The following YAF2 variants were observed in gnomAD, a reference collection of about 807,000 sequenced individuals.
The protein encoded by YAF2 is YY1 associated factor 2, also known as YY1-associated factor 2.
Under a neutral mutation model 20.1 loss-of-function variants are expected in YAF2, and 7 were observed. The ratio of observed to expected loss-of-function variants is 0.35; its 90% CI spans 0.20 to 0.65. The LOEUF (loss-of-function observed/expected upper bound fraction) is 0.65. Among genes scored for constraint, YAF2 ranks in the 30% least tolerant of loss-of-function variants. The probability of loss-of-function intolerance (pLI) is 0.69; values close to 1 mark genes in which losing one functional copy is unlikely to be tolerated. For synonymous variants in YAF2, 74 were observed against 76.0 expected, an observed-to-expected ratio of 0.97 and a Z score of 0.14; for missense variants, 151 against 219.2, an observed-to-expected ratio of 0.69 and a Z score of 1.96.
intron 2 of YAF2, among the ~76,000 whole-genome samples, chr12:42,201,877 G>A (rs1198132502): frequency 2.6e-5 from 4 of 152,088 alleles, no homozygotes; most frequent in African/African-American, 4.8e-5. Context: ...CCAGCCTGAT[G>A]TCTTTTATTA....
At position 42,158,364 on chromosome 12, in the gene YAF2, G is replaced by C. The variant is rs553125723; in HGVS notation, c.*2225C>G. On this transcript the variant is annotated 3_prime_UTR_variant, in exon 4 of 4. Coordinates refer to ENST00000534854, the MANE Select transcript of YAF2 (RefSeq NM_005748.6). ...CACTATTACTTTAGGTCATCCAAGA[G>C]GGCAGGAAAATAACTGTTACAAAAA... 6.6e-6 allele frequency: 1 copy of C among 152,110 alleles called. No individual in the cohort carries two copies. The highest frequency in any genetic ancestry group is 2.4e-5 in the African/African-American group (1 of 41,424). The allele number at this position is 152,110 out of a possible 1,614,324, so 9.4% of individuals were successfully genotyped here.
intron 2 of YAF2, chr12:42,234,906 T>A (rs2068097543): frequency 3.6e-6 from 3 of 827,546 alleles, no homozygotes; most frequent in South Asian, 1.1e-4. Context: ...GAGGATTCCT[T>A]GAACCTGGGA....
chr12:42,201,342 G>A (rs377271260), intron 2 of YAF2, among the ~76,000 whole-genome samples: 4 of 152,106 alleles, frequency 2.6e-5, no homozygotes, highest in East Asian at 1.9e-4. Context: ...TTGATAGCTC[G>A]TACGTTTTCA....
intron 2 of YAF2, among the ~76,000 whole-genome samples, chr12:42,227,153 G>A (rs1221687934): frequency 6.8e-6 from 1 of 146,008 alleles, no homozygotes; most frequent in Non-Finnish European, 1.5e-5. Flanking sequence ...CCGCCCGGGA[G>A]GCAGCGGCTG....
rs71883885 is a variant in YAF2 at position 42,218,185 on chromosome 12, AACACACACACACACAC to A, written c.152+19398_152+19413del. ...GACAGTCTACATCAGGCTACTAGGA[AACACACACACACACAC>A]ACACACACACACACACACACACACA... On this transcript the variant is annotated intron_variant, in intron 2 of 3. Coordinates refer to ENST00000534854, the MANE Select transcript of YAF2 (RefSeq NM_005748.6). Among the ~76,000 whole-genome samples, 598 of 140,696 alleles carry A rather than the reference AACACACACACACACAC, an allele frequency of 4.3e-3. 9 individuals are homozygous for A. The highest frequency in any genetic ancestry group is 0.014 in the African/African-American group (560 of 38,674). 92.3% of individuals were successfully genotyped at this position (140,696 alleles called of 152,430 possible).
intron 2 of YAF2, chr12:42,210,317 A>G (rs1350261069): frequency 1.1e-5 from 15 of 1,387,806 alleles, no homozygotes; most frequent in East Asian, 2.7e-5. Context: ...ATTTGGGGGG[A>G]AAAAAAATCT....
chr12:42,225,629 T>C lies in YAF2; in HGVS notation c.152+11970A>G, dbSNP rs144777834. On this transcript the variant is annotated intron_variant, in intron 2 of 3. Coordinates refer to ENST00000534854, the MANE Select transcript of YAF2 (RefSeq NM_005748.6). ...AGTTTTCCCAACACCATTTATTAAA[T>C]AGGGAATCCTTTCCCCAGTGTTTGT... Among the ~76,000 whole-genome samples the C allele has an allele frequency of 5.2e-3, 799 of 152,340 alleles. 5 individuals carry two copies. Among genetic ancestry groups the C allele is most frequent in the African/African-American group, 0.018 (768 of 41,578 alleles).
chr12:42,193,129 A>G (rs2066658132), intron 2 of YAF2, among the ~76,000 whole-genome samples: 1 of 152,130 alleles, frequency 6.6e-6, no homozygotes. Flanking sequence ...AGCCTGGCCA[A>G]CATGGTGAAA....
At chr12:42,218,563 G>T (rs2067428136) in intron 2 of YAF2, among the ~76,000 whole-genome samples, 1 of 151,944 alleles carries the variant, frequency 6.6e-6, no homozygotes, top group Admixed American at 6.6e-5. Context: ...ATACATTTTT[G>T]GGATTTTGAC....
At chr12:42,167,641 A>G (rs2065946729) in intron 2 of YAF2, among the ~76,000 whole-genome samples, 1 of 152,220 alleles carries the variant, frequency 6.6e-6, no homozygotes, top group Admixed American at 6.5e-5. Context: ...TAGAATTACC[A>G]TTTTTGGTTC....
At chr12:42,201,728 C>T (rs1378367697) in intron 2 of YAF2, among the ~76,000 whole-genome samples, 2 of 152,028 alleles carry the variant, frequency 1.3e-5, no homozygotes, top group African/African-American at 2.4e-5. Context: ...TGTGCCACCA[C>T]GCCTGGCTAA....
chr12:42,238,002 GC>G (rs2068237487), intron 1 of YAF2, among the ~76,000 whole-genome samples, 152 bp downstream of exon 1: 1 of 148,640 alleles, frequency 6.7e-6, no homozygotes, highest in African/African-American at 2.5e-5. Flanking sequence ...GGCGGCCGGC[GC>G]CGGCCCCCTC....
chr12:42,229,573 T>C (rs898844302), intron 2 of YAF2, among the ~76,000 whole-genome samples: 1 of 152,210 alleles, frequency 6.6e-6, no homozygotes, highest in Non-Finnish European at 1.5e-5. Flanking sequence ...CAGGAATAAT[T>C]ACATATACAT....
chr12:42,206,761 C>A (rs1458921117), intron 2 of YAF2, among the ~76,000 whole-genome samples: 1 of 152,004 alleles, frequency 6.6e-6, no homozygotes, highest in African/African-American at 2.4e-5. Flanking sequence ...AAATGTTATC[C>A]CACTGTGCCT....
Position 42,157,677 on chromosome 12 carries a change from G to A in YAF2, c.*2912C>T, listed in dbSNP as rs2406567. On this transcript the variant is annotated 3_prime_UTR_variant, in exon 4 of 4. Transcript: ENST00000534854. ...TGTCTATTATCCACTATCATTTTAG[G>A]AAAGCATTTAATAAAAATAAAACCT... 2 of 151,780 alleles carry A rather than the reference G, an allele frequency of 1.3e-5. No individual in the cohort carries two copies. The highest frequency in any genetic ancestry group is 1.3e-4 in the Admixed American group (2 of 15,240). The allele number at this position is 151,780 out of a possible 1,614,324, so 9.4% of individuals were successfully genotyped here.
intron 2 of YAF2, among the ~76,000 whole-genome samples, chr12:42,185,036 G>C (rs2066435904): frequency 6.6e-6 from 1 of 152,180 alleles, no homozygotes; most frequent in Non-Finnish European, 1.5e-5. Context: ...AAATTAGCTG[G>C]GCTTGGTGGC....
chr12:42,206,400 G>A (rs1225555383), intron 2 of YAF2, among the ~76,000 whole-genome samples: 4 of 151,786 alleles, frequency 2.6e-5, no homozygotes, highest in African/African-American at 9.7e-5. Flanking sequence ...CCTGAGGTCA[G>A]GAGTTCGAGA....
chr12:42,206,155 T>C (rs2067034080), intron 2 of YAF2, among the ~76,000 whole-genome samples: 1 of 152,160 alleles, frequency 6.6e-6, no homozygotes, highest in Non-Finnish European at 1.5e-5. Flanking sequence ...TTTAGCTGTG[T>C]CATATCTTCT....
At chr12:42,195,618 G>A (rs553219414) in intron 2 of YAF2, among the ~76,000 whole-genome samples, 1 of 152,272 alleles carries the variant, frequency 6.6e-6, no homozygotes, top group South Asian at 2.1e-4. Flanking sequence ...AGAGAAATGA[G>A]TCATCCACTC....
Sources: allele counts gnomAD v4.1 joint callset (sites outside exome capture counted in the v4.1 genomes callset), GRCh38; gene constraint gnomAD v4.1.1; transcripts MANE v1.5; gene names NCBI Gene and HGNC (gene_info 2026-07-23, HGNC 2026-07-21).